CACNA1C: variants seen among roughly 807,000 people sequenced by gnomAD.
The protein encoded by CACNA1C is voltage-dependent L-type calcium channel subunit alpha-1C.
CACNA1C carries 30 observed loss-of-function variants against 229.0 expected under a neutral mutation model. The observed-to-expected ratio is 0.13, with a 90% confidence interval of 0.10 to 0.18. The LOEUF (loss-of-function observed/expected upper bound fraction) is 0.18, where lower values mean the gene tolerates loss of function less well. Ranked by LOEUF, CACNA1C falls within the 10% of genes least tolerant of loss-of-function variation. The probability of loss-of-function intolerance (pLI) is 1.00; values close to 1 mark genes in which losing one functional copy is unlikely to be tolerated. For synonymous variants in CACNA1C, 1,114 were observed against 1,132.5 expected (o/e 0.98, Z 0.33); for missense variants, 1,658 against 2,845.0 (o/e 0.58, Z 9.49).
intron 3 of CACNA1C, among the ~76,000 whole-genome samples, chr12:2,308,773 A>G (rs1051476439): frequency 6.6e-6 from 1 of 152,242 alleles, no homozygotes; most frequent in African/African-American, 2.4e-5. Context: ...CTTACTGATC[A>G]CCAGGGAAAT....
Position 2,630,906 on chromosome 12 carries a change from G to A in CACNA1C, c.3829-3391G>A, listed in dbSNP as rs563512334. ...CCCAGCCAGTGCCAATCCAGTGAGA[G>A]CCAGCGTGGAGCCATGGGAGGAGGG... On this transcript the variant is annotated intron_variant, in intron 29 of 46. Transcript: ENST00000399655. This position sits in a 1 kb window ranked among gnomAD's most constrained non-coding sequence, Gnocchi z 5.4. Among the ~76,000 whole-genome samples, 8 of 152,298 alleles carry A rather than the reference G, an allele frequency of 5.3e-5. No homozygotes were observed. In the East Asian group the frequency reaches 1.4e-3, roughly 26 times the overall value.
intron 13 of CACNA1C, among the ~76,000 whole-genome samples, chr12:2,570,181 G>A (rs1005621271): frequency 6.6e-6 from 1 of 152,104 alleles, no homozygotes; most frequent in Non-Finnish European, 1.5e-5. Context: ...ATCTGCTTTG[G>A]GGGCTCCCAA....
chr12:2,359,570 A>G lies in CACNA1C; in HGVS notation c.478-89406A>G, dbSNP rs150612453. On this transcript the variant is annotated intron_variant, in intron 3 of 46. Transcript: ENST00000399655. The stretch of plus-strand genomic sequence containing the variant: ...TTTTTTTTTTTAAATCTCACAAGAC[A>G]CAAACTGTTCAAGGGAAGAATTAGG... Among the ~76,000 whole-genome samples, 1,462 of 151,092 alleles carry G rather than the reference A, an allele frequency of 9.7e-3. 10 individuals carry two copies. The highest frequency in any genetic ancestry group is 0.017 in the Non-Finnish European group (1,155 of 67,854).
At chr12:2,137,245 A>G (rs2093628051) in intron 3 of CACNA1C, among the ~76,000 whole-genome samples, 1 of 151,292 alleles carries the variant, frequency 6.6e-6, no homozygotes, top group East Asian at 1.9e-4. Context: ...CTCTGGTTCC[A>G]GTTCTACCTC....
chr12:2,486,372 AT>A lies in CACNA1C; in HGVS notation c.916+112del. On this transcript the variant is annotated intron_variant, in intron 6 of 46. Coordinates refer to ENST00000399655, the MANE Select transcript of CACNA1C (RefSeq NM_000719.7). This position sits in a 1 kb window ranked among gnomAD's most constrained non-coding sequence, Gnocchi z 4.9. ...ACCAGCAGAGCCCAGGGAAGGCCCCATTCATTCAGACACACACTGGGCATGG... is the reference window on the plus strand; with the variant it reads ...ACCAGCAGAGCCCAGGGAAGGCCCCATCATTCAGACACACACTGGGCATGG... 1 of 823,056 alleles carries A rather than the reference AT, an allele frequency of 1.2e-6. No homozygotes were observed. Among genetic ancestry groups the A allele is most frequent in the Non-Finnish European group, 1.9e-6 (1 of 536,946 alleles). The allele number at this position is 823,056 out of a possible 1,614,324, so 51.0% of individuals were successfully genotyped here.
intron 3 of CACNA1C, among the ~76,000 whole-genome samples, chr12:2,195,807 C>T (rs2097383025): frequency 6.6e-6 from 1 of 152,214 alleles, no homozygotes; most frequent in South Asian, 2.1e-4. Context: ...CCCTCAGCCC[C>T]AAACTCAGAA....
intron 1 of CACNA1C, among the ~76,000 whole-genome samples, chr12:1,996,905 T>G (rs754135070): frequency 5.9e-5 from 9 of 152,226 alleles, no homozygotes; most frequent in Non-Finnish European, 1.3e-4. Flanking sequence ...GTGTATTTCC[T>G]GTCTCCCCAG....
intron 22 of CACNA1C, chr12:2,603,404 A>G (rs1471652654): frequency 6.6e-6 from 1 of 152,234 alleles, no homozygotes. Flanking sequence ...TCCTGACCAC[A>G]CAAAGCATGA....
chr12:2,402,200 G>A (rs895472308), intron 3 of CACNA1C, among the ~76,000 whole-genome samples: 6 of 152,252 alleles, frequency 3.9e-5, no homozygotes, highest in Non-Finnish European at 8.8e-5. Context: ...AGCAGCACCT[G>A]ACCTTTTTGA....
In CACNA1C at chr12:2,053,299, G is replaced by A. The variant is rs931221102; in HGVS notation, c.-264G>A. 2.5e-6 allele frequency: 3 copies of A among 1,186,624 alleles called. No individual in the cohort carries two copies. Among genetic ancestry groups the A allele is most frequent in the Admixed American group, 8.7e-5 (2 of 23,110 alleles). 73.5% of individuals were successfully genotyped at this position (1,186,624 alleles called of 1,614,324 possible). On this transcript the variant is annotated 5_prime_UTR_variant, in exon 1 of 47. Coordinates refer to ENST00000399655, the MANE Select transcript of CACNA1C (RefSeq NM_000719.7). This position sits in a 1 kb window ranked among gnomAD's most constrained non-coding sequence, Gnocchi z 5.8. ...CCGGAGGTGCGGTGCTCAGTTCTTG[G>A]AAGGGGCCCGGATGTACTGAGGATG...
At chr12:2,004,530 C>A in intron 1 of CACNA1C, 1 of 1,494,796 alleles carries the variant, frequency 6.7e-7, no homozygotes, top group Non-Finnish European at 8.9e-7. Flanking sequence ...CCCACGGCGA[C>A]CACACGGCCC....
rs963199146 is a variant in CACNA1C, at chr12:2,287,427, C to T, written c.478-161549C>T. 2.0e-5 allele frequency among the ~76,000 whole-genome samples: 3 copies of T among 152,124 alleles called. No individual in the cohort carries two copies. Among genetic ancestry groups the T allele is most frequent in the African/African-American group, 7.2e-5 (3 of 41,404 alleles). On this transcript the variant is annotated intron_variant, in intron 3 of 46. Coordinates refer to ENST00000399655, the MANE Select transcript of CACNA1C (RefSeq NM_000719.7). This position sits in a 1 kb window ranked among gnomAD's most constrained non-coding sequence, Gnocchi z 4.6. ...AATGAACGTGGCTGCTCGTGTGTTC[C>T]GTGGCTGTTTAGGAAGGTTGGGTCA...
Position 2,115,563 on chromosome 12 carries a change from G to A in CACNA1C, c.371+18G>A, listed in dbSNP as rs539272330. ...GAATGGAAATATCCTTTGTTCACCGGGCTGGGCATGCTCCTGGGACCTGCA... is the reference window on the plus strand; with the variant it reads ...GAATGGAAATATCCTTTGTTCACCGAGCTGGGCATGCTCCTGGGACCTGCA... On this transcript the variant is annotated intron_variant, in intron 2 of 46. Transcript: ENST00000399655. The A allele has an allele frequency of 2.5e-6, 4 of 1,611,776 alleles. No individual in the cohort carries two copies. The highest frequency in any genetic ancestry group is 3.3e-5 in the Admixed American group (2 of 60,004).
At chr12:2,359,968 G>A (rs548247679) in intron 3 of CACNA1C, among the ~76,000 whole-genome samples, 1 of 152,210 alleles carries the variant, frequency 6.6e-6, no homozygotes, top group East Asian at 1.9e-4. Flanking sequence ...AGGGATTTCT[G>A]TAAGTCATCC....
At chr12:2,097,366 T>G (rs2154092511) in intron 1 of CACNA1C, among the ~76,000 whole-genome samples, 1 of 152,038 alleles carries the variant, frequency 6.6e-6, no homozygotes, top group East Asian at 1.9e-4. Context: ...CAGGATAGTC[T>G]CGATCTCCTG....
At position 2,199,421 on chromosome 12, in the gene CACNA1C, G is replaced by A. The variant is rs577975201; in HGVS notation, c.477+78991G>A. Among the ~76,000 whole-genome samples, 5 of 152,192 alleles carry A rather than the reference G, an allele frequency of 3.3e-5. No individual in the cohort carries two copies. In the South Asian group the frequency reaches 1.0e-3, roughly 32 times the overall value. On this transcript the variant is annotated intron_variant, in intron 3 of 46. Transcript: ENST00000399655. The stretch of plus-strand genomic sequence containing the variant: ...ATGGTCCACTTCTACTTAATGAATA[G>A]TAAATATATTTTTTCTGCCTTAGGA...
chr12:2,322,843 T>A (rs2096075838), intron 3 of CACNA1C, among the ~76,000 whole-genome samples: 1 of 152,210 alleles, frequency 6.6e-6, no homozygotes, highest in Non-Finnish European at 1.5e-5. Flanking sequence ...GGTGAATACA[T>A]GGCAGGTACT....
intron 1 of CACNA1C, among the ~76,000 whole-genome samples, chr12:1,997,579 T>C (rs2041243414): frequency 6.6e-6 from 1 of 152,168 alleles, no homozygotes; most frequent in South Asian, 2.1e-4. Context: ...AACTGAACAA[T>C]CTAGTATTTC....
chr12:2,628,874 A>AT (rs1045440079), intron 29 of CACNA1C, among the ~76,000 whole-genome samples: 62 of 152,148 alleles, frequency 4.1e-4, no homozygotes, highest in African/African-American at 1.5e-3. Flanking sequence ...TAAAGTGAAC[A>AT]TTTTTTTTAA....
Sources: gnomAD v4.1 joint callset for allele counts (sites outside exome capture counted in the v4.1 genomes callset) on GRCh38, gnomAD v4.1.1 for gene constraint, Gnocchi (gnomAD v3.1) non-coding constraint, MANE v1.5 for transcripts, NCBI Gene and HGNC (gene_info 2026-07-23, HGNC 2026-07-21) for gene names.